The following CARNS1 variants were observed in gnomAD, a reference collection of about 807,000 sequenced individuals.
CARNS1 encodes carnosine synthase 1, also known as ATP-grasp domain containing 1.
CARNS1 carries 61 observed loss-of-function variants against 74.0 expected under a neutral mutation model. That is an observed-to-expected ratio of 0.82 (90% CI 0.67 to 1.02). The LOEUF (loss-of-function observed/expected upper bound fraction) is 1.02. Ranked by LOEUF, CARNS1 falls within the 50% of genes least tolerant of loss-of-function variation. The pLI, the probability that CARNS1 is intolerant of heterozygous loss-of-function variation, is 0.00. For synonymous variants in CARNS1, 568 were observed against 605.5 expected, an observed-to-expected ratio of 0.94 and a Z score of 0.91; for missense variants, 1,278 against 1,308.4, an observed-to-expected ratio of 0.98 and a Z score of 0.36.
Position 67,420,605 on chromosome 11 carries a change from C to G in CARNS1, c.1114-4C>G, listed in dbSNP as rs1270200658. The G allele has an allele frequency of 8.1e-7, 1 of 1,238,158 alleles. No individual in the cohort carries two copies. Among genetic ancestry groups the G allele is most frequent in the African/African-American group, 1.6e-5 (1 of 64,436 alleles). 76.7% of individuals were successfully genotyped at this position (1,238,158 alleles called of 1,614,324 possible). A position where few individuals can be genotyped will look rare whatever the true frequency, so the allele number is the denominator to read the frequency against. On this transcript the variant is annotated splice_polypyrimidine_tract_variant and splice_region_variant and intron_variant, in intron 7 of 9. Coordinates refer to ENST00000687366, the MANE Select transcript of CARNS1 (RefSeq NM_001166222.2). ...GGCCTCCCCCTGAGTCTCCCCCTGC[C>G]CAGGTGGTGTGCGGCGTGGGCCGCG...
At position 67,419,479 on chromosome 11, in the gene CARNS1, T is replaced by A; in HGVS notation, c.853-8T>A. 2 of 1,611,774 alleles carry A rather than the reference T, an allele frequency of 1.2e-6. No homozygotes were observed. The highest frequency in any genetic ancestry group is 1.7e-6 in the Non-Finnish European group (2 of 1,179,454). On this transcript the variant is annotated splice_polypyrimidine_tract_variant and splice_region_variant and intron_variant, in intron 5 of 9. Transcript: ENST00000687366. Reference sequence around the variant, plus strand: ...GTCCAGGAGGCCCCTTTCCCCTCCTTGCTGCAGGTAGCTGTGAAGCTCAGT... The same window carrying A: ...GTCCAGGAGGCCCCTTTCCCCTCCTAGCTGCAGGTAGCTGTGAAGCTCAGT...
intron 2 of CARNS1, chr11:67,416,452 C>A: frequency 7.4e-7 from 1 of 1,344,502 alleles, no homozygotes. Flanking sequence ...GGCACAGAGG[C>A]TCTGGCCCTG....
chr11:67,418,717 A>G (rs563065105), intron 4 of CARNS1, 39 bp from the exon 5 acceptor site: 37 of 1,525,078 alleles, frequency 2.4e-5, no homozygotes, highest in African/African-American at 2.3e-4. Flanking sequence ...TAGGGCATCA[A>G]GCCTTCCCTG....
In CARNS1 at chr11:67,423,717, AGT is replaced by A. The variant is rs762174212; in HGVS notation, c.1971_1972del (p.Ser657ArgfsTer3). On this transcript the variant is annotated frameshift_variant, in exon 10 of 10. Transcript: ENST00000687366. LOFTEE classifies it high-confidence loss of function. This position sits in a 1 kb window ranked among gnomAD's most constrained non-coding sequence, Gnocchi z 5.1. ...LHAVPCCPLESEADVERAVHQ... is the reference protein window; with the variant it reads ...LHAVPCCPLEXEADVERAVHQ... ...TGCTGTGCCCTGCTGCCCACTGGAGAGTGAGGCTGATGTGGAGAGGGCCGTGC... is the reference window on the plus strand; with the variant it reads ...TGCTGTGCCCTGCTGCCCACTGGAGAGAGGCTGATGTGGAGAGGGCCGTGC... 1.3e-6 allele frequency: 2 copies of A among 1,579,426 alleles called. No homozygotes were observed. Among genetic ancestry groups the A allele is most frequent in the African/African-American group, 2.7e-5 (2 of 74,264 alleles).
At chr11:67,421,476 G>A (rs1218036342) in intron 9 of CARNS1, among the ~76,000 whole-genome samples, 2 of 152,214 alleles carry the variant, frequency 1.3e-5, no homozygotes, top group Admixed American at 6.5e-5. Context: ...GTCCTCCACA[G>A]AAAGAGGAGA....
In CARNS1 at chr11:67,423,341, G is replaced by T; in HGVS notation, c.1627-34G>T. On this transcript the variant is annotated intron_variant, in intron 9 of 9. Coordinates refer to ENST00000687366, the MANE Select transcript of CARNS1 (RefSeq NM_001166222.2). The surrounding 1 kb of genome is among the most constrained non-coding windows in gnomAD (Gnocchi z 5.1). ...ATCCCCCTAGCACCCAGTACTAGCT[G>T]ACCTGGATATGCCCCACCCTGTGGC... 3 of 1,574,742 alleles carry T rather than the reference G, an allele frequency of 1.9e-6. No individual in the cohort carries two copies. The South Asian group carries it at 3.6e-5, about 19-fold the overall frequency.
rs1447701147 is a variant in CARNS1, at chr11:67,424,346, G to T, written c.2598G>T (p.Val866=). Residue 866 remains valine (V), a synonymous_variant, in exon 10 of 10, where the codon GTG becomes GTT. Transcript: ENST00000687366. ...ATCTGGTGGGCGTCATGTGCCTTGT[G>T]TCCCAGCACCTGCAGGCCCTGAGTT... The part of the protein sequence containing the change: ...RGHLVGVMCL[V]SQHLQALSST... The T allele has an allele frequency of 6.2e-7, 1 of 1,607,440 alleles. No homozygotes were observed. The highest frequency in any genetic ancestry group is 1.7e-5 in the Admixed American group (1 of 59,128).
In CARNS1 at chr11:67,425,319, T is replaced by C. The variant is rs1863804746; in HGVS notation, c.*718T>C. 23 of 335,100 alleles carry C rather than the reference T, an allele frequency of 6.9e-5. 1 individual carries two copies. The highest frequency in any genetic ancestry group is 5.5e-4 in the South Asian group (23 of 41,926). The allele number at this position is 335,100 out of a possible 1,614,324, so 20.8% of individuals were successfully genotyped here. On this transcript the variant is annotated 3_prime_UTR_variant, in exon 10 of 10. Transcript: ENST00000687366. ...TGCAGGGTCCAGGTTTCTGTTTTGATCAAGTCTTACATGCCCATTCAGCTT... is the reference window on the plus strand; with the variant it reads ...TGCAGGGTCCAGGTTTCTGTTTTGACCAAGTCTTACATGCCCATTCAGCTT...
chr11:67,419,008 T>TGGCCCGGCTGCTGGA lies in CARNS1; in HGVS notation c.620_634dup (p.Ala207_Glu211dup). On this transcript the variant is annotated inframe_insertion, in exon 5 of 10. Coordinates refer to ENST00000687366, the MANE Select transcript of CARNS1 (RefSeq NM_001166222.2). The stretch of plus-strand genomic sequence containing the variant: ...TGCCCCACAGGAGCTTCGGCTGAGC[T>TGGCCCGGCTGCTGGA]GGCCCGGCTGCTGGAGGACCGGCTG... The TGGCCCGGCTGCTGGA allele has an allele frequency of 7.1e-6, 11 of 1,559,992 alleles. No individual in the cohort carries two copies. Among genetic ancestry groups the TGGCCCGGCTGCTGGA allele is most frequent in the Non-Finnish European group, 9.5e-6 (11 of 1,152,958 alleles).
intron 9 of CARNS1, among the ~76,000 whole-genome samples, chr11:67,422,269 T>C (rs1863730549): frequency 6.9e-6 from 1 of 143,902 alleles, no homozygotes. Flanking sequence ...TTGCAACCTC[T>C]GCCTCCTGGG....
intron 7 of CARNS1, 77 bp downstream of exon 7, chr11:67,419,915 C>A: frequency 6.9e-7 from 1 of 1,440,174 alleles, no homozygotes; most frequent in Non-Finnish European, 9.5e-7. Flanking sequence ...TTGCCAAGGG[C>A]CCCTGAGCCG....
In CARNS1 at chr11:67,419,812, C is replaced by A. The variant is rs1399021550; in HGVS notation, c.1087C>A (p.Gln363Lys). The A allele has an allele frequency of 3.8e-6, 6 of 1,595,350 alleles. No individual in the cohort carries two copies. The highest frequency in any genetic ancestry group is 5.1e-6 in the Non-Finnish European group (6 of 1,171,546). ...VRICAVVCRT[Q>K]GDRPLLSKVV... ...AATCTGTGCTGTGGTGTGTCGGACA[C>A]AGGGTGATAGGCCACTGCTGAGCAA... Residue 363 changes from glutamine to lysine, a missense_variant, in exon 7 of 10, where the codon CAG becomes AAG. Transcript: ENST00000687366.
Position 67,417,810 on chromosome 11 carries a change from C to T in CARNS1, c.274+133C>T, listed in dbSNP as rs1159231681. On this transcript the variant is annotated intron_variant, in intron 3 of 9. Transcript: ENST00000687366. ...GTTCCATCTGAAGGCAGGGAAGGCACAGCCAGTTGGCCTAGGGTAGGCGGA... is the reference window on the plus strand; with the variant it reads ...GTTCCATCTGAAGGCAGGGAAGGCATAGCCAGTTGGCCTAGGGTAGGCGGA... 5 of 616,110 alleles carry T rather than the reference C, an allele frequency of 8.1e-6. No homozygotes were observed. The Admixed American group carries it at 2.2e-4, about 27-fold the overall frequency. The allele number at this position is 616,110 out of a possible 1,614,324, so 38.2% of individuals were successfully genotyped here. A position where few individuals can be genotyped will look rare whatever the true frequency, so the allele number is the denominator to read the frequency against.
Position 67,423,462 on chromosome 11 carries a change from G to T in CARNS1, c.1714G>T (p.Asp572Tyr). The T allele has an allele frequency of 6.2e-7, 1 of 1,614,054 alleles. No individual in the cohort carries two copies. Among genetic ancestry groups the T allele is most frequent in the South Asian group, 1.1e-5 (1 of 91,092 alleles). Residue 572 changes from aspartate (D) to tyrosine (Y), a missense_variant, in exon 10 of 10, where the codon GAT (aspartate) becomes TAT (tyrosine). Physicochemically the swap from Asp to Tyr is radical, Grantham distance 160 (BLOSUM62 -3). Transcript: ENST00000687366. The surrounding 1 kb of genome is among the most constrained non-coding windows in gnomAD (Gnocchi z 5.1). Reference sequence around the variant, plus strand: ...CTTTGACATGACAGAGCACCGGAGGGATGAGGAGAACGCACGGCTGCTGGC... The same window carrying T: ...CTTTGACATGACAGAGCACCGGAGGTATGAGGAGAACGCACGGCTGCTGGC... Reference protein sequence around the residue: ...IHFDMTEHRRDEENARLLAEL... With the variant: ...IHFDMTEHRRYEENARLLAEL...
chr11:67,416,341 C>T (rs936423854), intron 2 of CARNS1, 139 bp downstream of exon 2: 5 of 1,477,038 alleles, frequency 3.4e-6, no homozygotes, highest in South Asian at 1.3e-5. Context: ...CCAGCTCCCC[C>T]ACCCCCACCC....
chr11:67,419,352 G>A, intron 5 of CARNS1, 109 bp downstream of exon 5: 4 of 1,471,160 alleles, frequency 2.7e-6, no homozygotes, highest in Non-Finnish European at 3.6e-6. Flanking sequence ...TAGCCCTGCC[G>A]CTGCCCTGCC....
intron 1 of CARNS1, 197 bp from the exon 2 acceptor site, chr11:67,415,979 T>C (rs1863536188): frequency 1.8e-6 from 1 of 551,848 alleles, no homozygotes; most frequent in Admixed American, 2.8e-5. Context: ...TGAGCCGCAC[T>C]GGGGCAGGAG....
Position 67,423,812 on chromosome 11 carries a change from A to C in CARNS1, c.2064A>C (p.Val688=). The part of the protein sequence containing the change: ...FGAGAVGVRL[V]EDAPQCHEHF... The stretch of plus-strand genomic sequence containing the variant: ...CAGGTGCAGTGGGTGTCCGGCTGGT[A>C]GAGGATGCGCCACAGTGCCATGAGC... Residue 688 remains valine (V), a synonymous_variant, in exon 10 of 10, where the codon GTA becomes GTC. Coordinates refer to ENST00000687366, the MANE Select transcript of CARNS1 (RefSeq NM_001166222.2). The surrounding 1 kb of genome is among the most constrained non-coding windows in gnomAD (Gnocchi z 5.1). 1 of 1,608,086 alleles carries C rather than the reference A, an allele frequency of 6.2e-7. No individual in the cohort carries two copies.
At position 67,423,978 on chromosome 11, in the gene CARNS1, T is replaced by C. The variant is rs1790747; in HGVS notation, c.2230T>C (p.Leu744=). The C allele has an allele frequency of 0.12, 200,626 of 1,613,010 alleles. 32,296 individuals are homozygous for C. The highest frequency in any genetic ancestry group is 0.73 in the African/African-American group (54,455 of 74,958). Residue 744 remains leucine, a synonymous_variant, in exon 10 of 10, where the codon TTG becomes CTG. Transcript: ENST00000687366. The surrounding 1 kb of genome is among the most constrained non-coding windows in gnomAD (Gnocchi z 5.1). ...DVDLVLFGGR[L]LAAFVSDNGP... is the part of the protein sequence containing the mutation. ...GGACCTGGTGTTGTTTGGTGGGCGG[T>C]TGCTGGCTGCCTTTGTCTCCGACAA...
Sources: allele counts gnomAD v4.1 joint callset (sites outside exome capture counted in the v4.1 genomes callset), GRCh38; gene constraint gnomAD v4.1.1; non-coding constraint Gnocchi (gnomAD v3.1); transcripts MANE v1.5; gene names NCBI Gene and HGNC (gene_info 2026-07-23, HGNC 2026-07-21).